The following EIF4EBP3 variants were observed in gnomAD, a reference collection of about 807,000 sequenced individuals.
The protein encoded by EIF4EBP3 is eukaryotic translation initiation factor 4E-binding protein 3.
A neutral mutation model predicts 12.1 loss-of-function variants in EIF4EBP3; 11 were observed. The ratio of observed to expected loss-of-function variants is 0.91; its 90% CI spans 0.57 to 1.51. The LOEUF (loss-of-function observed/expected upper bound fraction) is 1.51. Ranked by LOEUF, EIF4EBP3 falls within the 40% of genes most tolerant of loss-of-function variation. The probability of loss-of-function intolerance (pLI) is 0.00; values close to 1 mark genes in which losing one functional copy is unlikely to be tolerated. For synonymous variants in EIF4EBP3, 43 were observed against 54.2 expected (o/e 0.79, Z 0.91); for missense variants, 136 against 131.8 (o/e 1.03, Z -0.16).
chr5:140,548,790 C>G, intron 1 of EIF4EBP3, 116 bp from the exon 2 acceptor site: 1 of 1,401,848 alleles, frequency 7.1e-7, no homozygotes, highest in Non-Finnish European at 9.6e-7. Flanking sequence ...TCCTTTGATA[C>G]ACAGGGAAAT....
chr5:140,549,162 G>T, intron 2 of EIF4EBP3, 72 bp from the exon 3 acceptor site: 1 of 1,614,166 alleles, frequency 6.2e-7, no homozygotes, highest in South Asian at 1.1e-5. Flanking sequence ...TTCCAAGAGG[G>T]GTTTCTGCAC....
intron 1 of EIF4EBP3, 71 bp downstream of exon 1, chr5:140,547,911 T>C: frequency 7.9e-6 from 10 of 1,268,312 alleles, no homozygotes; most frequent in Non-Finnish European, 1.0e-5. Context: ...GGGGCGGGGG[T>C]AGGGGAGGGA....
At position 140,547,839 on chromosome 5, in the gene EIF4EBP3, A is replaced by AGGTCAGCGGGCCGGGCAGG; in HGVS notation, c.103+4_103+22dup. On this transcript the variant is annotated frameshift_variant and splice_region_variant, in exon 1 of 3. Coordinates refer to ENST00000310331, the MANE Select transcript of EIF4EBP3 (RefSeq NM_003732.3). LOFTEE classifies it high-confidence loss of function. ...GCACGCTATACGCCACTACCCCCGG[A>AGGTCAGCGGGCCGGGCAGG]GGTCAGCGGGCCGGGCAGGGGTCCG... The AGGTCAGCGGGCCGGGCAGG allele has an allele frequency of 6.9e-7, 1 of 1,444,102 alleles. No individual in the cohort carries two copies. Among genetic ancestry groups the AGGTCAGCGGGCCGGGCAGG allele is most frequent in the Non-Finnish European group, 9.1e-7 (1 of 1,094,416 alleles). The allele number at this position is 1,444,102 out of a possible 1,614,324, so 89.5% of individuals were successfully genotyped here. A position where few individuals can be genotyped will look rare whatever the true frequency, so the allele number is the denominator to read the frequency against.
Position 140,549,411 on chromosome 5 carries a change from G to A in EIF4EBP3, c.*149G>A. 1 of 1,362,604 alleles carries A rather than the reference G, an allele frequency of 7.3e-7. No individual in the cohort carries two copies. The highest frequency in any genetic ancestry group is 1.0e-6 in the Non-Finnish European group (1 of 970,980). The allele number at this position is 1,362,604 out of a possible 1,614,324, so 84.4% of individuals were successfully genotyped here. On this transcript the variant is annotated 3_prime_UTR_variant, in exon 3 of 3. Coordinates refer to ENST00000310331, the MANE Select transcript of EIF4EBP3 (RefSeq NM_003732.3). ...TTAGTTCCAGGCCTCCTTTAGTTCT[G>A]AGGCAGCTAGACCAGGGATAGGAGT... is the stretch of plus-strand genomic sequence containing the variant.
Position 140,549,385 on chromosome 5 carries a change from G to T in EIF4EBP3, c.*123G>T. 7 of 1,538,634 alleles carry T rather than the reference G, an allele frequency of 4.5e-6. No homozygotes were observed. The highest frequency in any genetic ancestry group is 2.2e-5 in the South Asian group (2 of 89,128). On this transcript the variant is annotated 3_prime_UTR_variant, in exon 3 of 3. Transcript: ENST00000310331. ...CATCTAATCTGGAAGGGAGTGACTTGTTAGTTCCAGGCCTCCTTTAGTTCT... is the reference window on the plus strand; with the variant it reads ...CATCTAATCTGGAAGGGAGTGACTTTTTAGTTCCAGGCCTCCTTTAGTTCT...
Position 140,549,300 on chromosome 5 carries a change from G to A in EIF4EBP3, c.*38G>A, listed in dbSNP as rs969616288. The stretch of plus-strand genomic sequence containing the variant: ...GACCTGGCATGTGGAGTTACAGAGG[G>A]ATCCCTCATGCCACTGCTGCCACCA... On this transcript the variant is annotated 3_prime_UTR_variant, in exon 3 of 3. Transcript: ENST00000310331. 5 of 1,614,022 alleles carry A rather than the reference G, an allele frequency of 3.1e-6. No homozygotes were observed. Among genetic ancestry groups the A allele is most frequent in the Non-Finnish European group, 4.2e-6 (5 of 1,180,012 alleles).
rs372987589 is a variant in EIF4EBP3, at chr5:140,549,294, C to G, written c.*32C>G. 5.0e-6 allele frequency: 8 copies of G among 1,614,030 alleles called. No individual in the cohort carries two copies. The highest frequency in any genetic ancestry group is 4.0e-5 in the African/African-American group (3 of 74,914). On this transcript the variant is annotated 3_prime_UTR_variant, in exon 3 of 3. Coordinates refer to ENST00000310331, the MANE Select transcript of EIF4EBP3 (RefSeq NM_003732.3). Reference sequence around the variant, plus strand: ...GCAGATGACCTGGCATGTGGAGTTACAGAGGGATCCCTCATGCCACTGCTG... The same window carrying G: ...GCAGATGACCTGGCATGTGGAGTTAGAGAGGGATCCCTCATGCCACTGCTG...
rs1287262389 is a variant in EIF4EBP3 at position 140,547,824 on chromosome 5, C to T, written c.87C>T (p.Tyr29=). The change falls in exon 1 of 3, where the codon TAC becomes TAT. Residue 29 remains tyrosine (Y), a synonymous_variant. Coordinates refer to ENST00000310331, the MANE Select transcript of EIF4EBP3 (RefSeq NM_003732.3). ...GCACCACGCCGGGGGGCACGCTATACGCCACTACCCCCGGAGGTCAGCGGG... is the reference window on the plus strand; with the variant it reads ...GCACCACGCCGGGGGGCACGCTATATGCCACTACCCCCGGAGGTCAGCGGG... ...CYSTTPGGTL[Y]ATTPGGTRII... The T allele has an allele frequency of 8.1e-6, 12 of 1,486,596 alleles. No homozygotes were observed. Among genetic ancestry groups the T allele is most frequent in the Non-Finnish European group, 1.1e-5 (12 of 1,114,462 alleles). 92.1% of individuals were successfully genotyped at this position (1,486,596 alleles called of 1,614,324 possible).
rs763409268 is a variant in EIF4EBP3 at position 140,549,285 on chromosome 5, G to A, written c.*23G>A. On this transcript the variant is annotated 3_prime_UTR_variant, in exon 3 of 3. Coordinates refer to ENST00000310331, the MANE Select transcript of EIF4EBP3 (RefSeq NM_003732.3). ...TAATCCAGTGCAGATGACCTGGCAT[G>A]TGGAGTTACAGAGGGATCCCTCATG... 45 of 1,614,052 alleles carry A rather than the reference G, an allele frequency of 2.8e-5. No homozygotes were observed. The highest frequency in any genetic ancestry group is 3.7e-5 in the Non-Finnish European group (44 of 1,180,026).
chr5:140,547,698 T>G lies in EIF4EBP3; in HGVS notation c.-40T>G. ...AGACTCAGAGCTGCGCTCCTCGACCTCAACGCCAGGCGGTTACTTTGCTGC... is the reference window on the plus strand; with the variant it reads ...AGACTCAGAGCTGCGCTCCTCGACCGCAACGCCAGGCGGTTACTTTGCTGC... On this transcript the variant is annotated 5_prime_UTR_variant, in exon 1 of 3. Transcript: ENST00000310331. 6.5e-7 allele frequency: 1 copy of G among 1,530,774 alleles called. No individual in the cohort carries two copies. 94.8% of individuals were successfully genotyped at this position (1,530,774 alleles called of 1,614,324 possible).
intron 1 of EIF4EBP3, 139 bp from the exon 2 acceptor site, chr5:140,548,767 T>C (rs897966964): frequency 5.6e-6 from 7 of 1,240,128 alleles, no homozygotes; most frequent in African/African-American, 1.5e-5. Context: ...CTAGCTGGGC[T>C]TCAGAGCCGA....
chr5:140,548,846 A>T, intron 1 of EIF4EBP3, 60 bp from the exon 2 acceptor site: 1 of 1,554,144 alleles, frequency 6.4e-7, no homozygotes, highest in Non-Finnish European at 8.7e-7. Context: ...TGAGTCTGGG[A>T]CCCCAGTCAC....
Position 140,547,823 on chromosome 5 carries a change from A to G in EIF4EBP3, c.86A>G (p.Tyr29Cys), listed in dbSNP as rs1277484556. 2 of 1,497,662 alleles carry G rather than the reference A, an allele frequency of 1.3e-6. No individual in the cohort carries two copies. Among genetic ancestry groups the G allele is most frequent in the Non-Finnish European group, 1.8e-6 (2 of 1,119,452 alleles). The allele number at this position is 1,497,662 out of a possible 1,614,324, so 92.8% of individuals were successfully genotyped here. The change falls in exon 1 of 3, where the codon TAC becomes TGC. Residue 29 changes from tyrosine (Y) to cysteine (C), a missense_variant. By Grantham distance (194) the Tyr-to-Cys change is radical (BLOSUM62 -2). Coordinates refer to ENST00000310331, the MANE Select transcript of EIF4EBP3 (RefSeq NM_003732.3). ...CYSTTPGGTL[Y>C]ATTPGGTRII... ...AGCACCACGCCGGGGGGCACGCTAT[A>G]CGCCACTACCCCCGGAGGTCAGCGG...
chr5:140,547,787 C>T lies in EIF4EBP3; in HGVS notation c.50C>T (p.Pro17Leu), dbSNP rs1754414176. The T allele has an allele frequency of 6.5e-7, 1 of 1,540,348 alleles. No individual in the cohort carries two copies. The highest frequency in any genetic ancestry group is 8.8e-7 in the Non-Finnish European group (1 of 1,141,332). Residue 17 changes from proline to leucine, a missense_variant, in exon 1 of 3, where the codon CCC (proline) becomes CTC (leucine). Physicochemically the swap from Pro to Leu is moderately conservative, Grantham distance 98 (BLOSUM62 -3). Coordinates refer to ENST00000310331, the MANE Select transcript of EIF4EBP3 (RefSeq NM_003732.3). ...CPIPGGRDQL[P>L]DCYSTTPGGT... is the part of the protein sequence containing the mutation. The stretch of plus-strand genomic sequence containing the variant: ...ATTCCCGGGGGCCGGGACCAGCTGC[C>T]CGACTGCTACAGCACCACGCCGGGG...
Position 140,547,697 on chromosome 5 carries a change from C to T in EIF4EBP3, c.-41C>T. 1.3e-6 allele frequency: 2 copies of T among 1,528,516 alleles called. No individual in the cohort carries two copies. The highest frequency in any genetic ancestry group is 8.9e-7 in the Non-Finnish European group (1 of 1,128,868). The allele number at this position is 1,528,516 out of a possible 1,614,324, so 94.7% of individuals were successfully genotyped here. On this transcript the variant is annotated 5_prime_UTR_variant, in exon 1 of 3. Coordinates refer to ENST00000310331, the MANE Select transcript of EIF4EBP3 (RefSeq NM_003732.3). Reference sequence around the variant, plus strand: ...CAGACTCAGAGCTGCGCTCCTCGACCTCAACGCCAGGCGGTTACTTTGCTG... The same window carrying T: ...CAGACTCAGAGCTGCGCTCCTCGACTTCAACGCCAGGCGGTTACTTTGCTG...
At chr5:140,548,860 G>A (rs769547715) in intron 1 of EIF4EBP3, 46 bp from the exon 2 acceptor site, 17 of 1,574,498 alleles carry the variant, frequency 1.1e-5, no homozygotes, top group East Asian at 4.5e-5. Context: ...CAGTCACCTC[G>A]GTACCCAAGC....
At chr5:140,548,647 A>G (rs1018071087) in intron 1 of EIF4EBP3, among the ~76,000 whole-genome samples, 3 of 152,172 alleles carry the variant, frequency 2.0e-5, no homozygotes, top group African/African-American at 7.2e-5. Context: ...AAGCTCTCCC[A>G]AACATAAAGC....
At chr5:140,548,680 G>A (rs1754443231) in intron 1 of EIF4EBP3, among the ~76,000 whole-genome samples, 1 of 152,084 alleles carries the variant, frequency 6.6e-6, no homozygotes, top group Non-Finnish European at 1.5e-5. Context: ...CAGCTGGGAT[G>A]CCCCCCTTGC....
chr5:140,548,894 A>C lies in EIF4EBP3; in HGVS notation c.104-12A>C. ...GCTCCTGACTCTTACCTCAGTCCCAACCCCTTGACAGGCACCAGGATCATC... is the reference window on the plus strand; with the variant it reads ...GCTCCTGACTCTTACCTCAGTCCCACCCCCTTGACAGGCACCAGGATCATC... On this transcript the variant is annotated splice_polypyrimidine_tract_variant and intron_variant, in intron 1 of 2. Coordinates refer to ENST00000310331, the MANE Select transcript of EIF4EBP3 (RefSeq NM_003732.3). The C allele has an allele frequency of 6.2e-7, 1 of 1,610,686 alleles. No homozygotes were observed. The highest frequency in any genetic ancestry group is 1.1e-5 in the South Asian group (1 of 90,614).
Sources: gnomAD v4.1 joint callset for allele counts (sites outside exome capture counted in the v4.1 genomes callset) on GRCh38, gnomAD v4.1.1 for gene constraint, MANE v1.5 for transcripts, NCBI Gene and HGNC (gene_info 2026-07-23, HGNC 2026-07-21) for gene names.